PKHD1L1: variants seen among roughly 807,000 people sequenced by gnomAD.
PKHD1L1 encodes PKHD1 like 1.
In PKHD1L1, 434 loss-of-function variants were observed where a neutral mutation model predicts 462.9. The ratio of observed to expected loss-of-function variants is 0.94; its 90% CI spans 0.87 to 1.02. PKHD1L1 has a LOEUF of 1.02. Among genes scored for constraint, PKHD1L1 ranks in the 50% least tolerant of loss-of-function variants. The pLI, the probability that PKHD1L1 is intolerant of heterozygous loss-of-function variation, is 0.00. For missense variants in PKHD1L1, 5,202 were observed against 5,096.1 expected (o/e 1.02, Z -0.63); for synonymous variants, 1,781 against 1,750.0 (o/e 1.02, Z -0.44).
chr8:109,433,141 G>T lies in PKHD1L1; in HGVS notation c.3265G>T (p.Gly1089Cys). 1.9e-6 allele frequency: 3 copies of T among 1,613,432 alleles called. No homozygotes were observed. Among genetic ancestry groups the T allele is most frequent in the Middle Eastern group, 3.3e-4 (2 of 6,054 alleles). The change falls in exon 28 of 78, where the codon GGT becomes TGT. Residue 1089 changes from glycine to cysteine, a missense_variant. Physicochemically the swap from Gly to Cys is radical, Grantham distance 159. Transcript: ENST00000378402. Reference protein sequence around the residue: ...YEEGTILTIVGSGFSPSSAVT... With the variant: ...YEEGTILTIVCSGFSPSSAVT... ...AGAAGGCACAATTCTAACCATAGTG[G>T]GTTCTGGATTTTCTCCTAGTTCAGC...
intron 76 of PKHD1L1, among the ~76,000 whole-genome samples, chr8:109,525,048 A>G (rs1820748125): frequency 6.6e-6 from 1 of 152,210 alleles, no homozygotes; most frequent in African/African-American, 2.4e-5. Context: ...AAATTAGAAT[A>G]ACAACAAAGC....
At chr8:109,457,670 T>C (rs368360742) in intron 46 of PKHD1L1, among the ~76,000 whole-genome samples, 1 of 152,166 alleles carries the variant, frequency 6.6e-6, no homozygotes, top group East Asian at 1.9e-4. Context: ...TTAGTAAGGA[T>C]TACATTAGTT....
intron 22 of PKHD1L1, 76 bp downstream of exon 22, chr8:109,419,336 G>T: frequency 8.6e-7 from 1 of 1,159,314 alleles, no homozygotes. Flanking sequence ...TTTATATTCT[G>T]CAGTATGGAT....
In PKHD1L1 at chr8:109,404,713, G is replaced by A. The variant is rs1410383730; in HGVS notation, c.1533G>A (p.Gln511=). 8 of 1,592,706 alleles carry A rather than the reference G, an allele frequency of 5.0e-6. No individual in the cohort carries two copies. The highest frequency in any genetic ancestry group is 6.8e-6 in the Non-Finnish European group (8 of 1,170,926). ...KSQSTILQEV[Q]VITLENWETT... is the part of the protein sequence containing the mutation. ...AGTCGACAATCCTCCAGGAAGTACA[G>A]GTTTGCTATGATTGCAGTTCCTCTT... Residue 511 remains glutamine (Q), a splice_region_variant and synonymous_variant, in exon 15 of 78, where the codon CAG becomes CAA. Coordinates refer to ENST00000378402, the MANE Select transcript of PKHD1L1 (RefSeq NM_177531.6).
At chr8:109,520,037 A>T (rs541530194) in intron 73 of PKHD1L1, among the ~76,000 whole-genome samples, 1 of 152,254 alleles carries the variant, frequency 6.6e-6, no homozygotes, top group South Asian at 2.1e-4. Context: ...GAATTCTATC[A>T]GCTAAGCAGG....
intron 68 of PKHD1L1, among the ~76,000 whole-genome samples, chr8:109,506,413 C>G (rs1360830326): frequency 6.6e-6 from 1 of 152,198 alleles, no homozygotes; most frequent in Non-Finnish European, 1.5e-5. Context: ...AAAAACTCTG[C>G]TGTGCGGTTC....
chr8:109,383,924 G>T, intron 4 of PKHD1L1, 146 bp from the exon 5 acceptor site: 2 of 667,098 alleles, frequency 3.0e-6, no homozygotes, highest in Non-Finnish European at 5.2e-6. Flanking sequence ...TAACTCTTAG[G>T]TTCATCTTAT....
In PKHD1L1 at chr8:109,454,811, C is replaced by T. The variant is rs1816728771; in HGVS notation, c.6833C>T (p.Ala2278Val). The change falls in exon 45 of 78, where the codon GCC becomes GTC. Residue 2278 changes from alanine (A) to valine (V), a missense_variant. Physicochemically the swap from Ala to Val is moderately conservative, Grantham distance 64 (BLOSUM62 0). Around this residue, in one of 3 missense-constraint regions of PKHD1L1, gnomAD observed 4,497 missense variants for 4,336.8 expected, o/e 1.04. Transcript: ENST00000378402. ...LRSPELPVYGAKTLAVREGIL... is the reference protein window; with the variant it reads ...LRSPELPVYGVKTLAVREGIL... ...TCTCCTGAGCTCCCTGTCTATGGTG[C>T]CAAAACACTGGCTGTGCGGGAGGGA... The T allele has an allele frequency of 6.2e-7, 1 of 1,613,636 alleles. No individual in the cohort carries two copies. Among genetic ancestry groups the T allele is most frequent in the Non-Finnish European group, 8.5e-7 (1 of 1,179,772 alleles).
At chr8:109,409,186 G>A (rs535766500) in intron 18 of PKHD1L1, among the ~76,000 whole-genome samples, 1 of 151,994 alleles carries the variant, frequency 6.6e-6, no homozygotes, top group Non-Finnish European at 1.5e-5. Flanking sequence ...ACTAATTTCT[G>A]CATAATCTGC....
At chr8:109,375,615 T>C (rs541862213) in intron 2 of PKHD1L1, among the ~76,000 whole-genome samples, 4 of 152,288 alleles carry the variant, frequency 2.6e-5, no homozygotes, top group South Asian at 4.1e-4. Context: ...CTCTGTTTTT[T>C]CCCCATCTTT....
At chr8:109,396,871 C>T (rs1246635437) in intron 11 of PKHD1L1, among the ~76,000 whole-genome samples, 1 of 152,174 alleles carries the variant, frequency 6.6e-6, no homozygotes, top group East Asian at 1.9e-4. Flanking sequence ...TACTTTCTAC[C>T]TTTTACAGAT....
rs375847594 is a variant in PKHD1L1, at chr8:109,452,195, A to G, written c.6422A>G (p.His2141Arg). The change falls in exon 42 of 78, where the codon CAC becomes CGC. Residue 2141 changes from histidine (H) to arginine (R), a missense_variant. Physicochemically the swap from His to Arg is conservative, Grantham distance 29. Coordinates refer to ENST00000378402, the MANE Select transcript of PKHD1L1 (RefSeq NM_177531.6). ...KCDVEYSNKT[H>R]IICMTDAHTL... is the part of the protein sequence containing the mutation. ...GATGTTGAGTATTCCAACAAGACAC[A>G]CATCATCTGCATGACAGATGCCCAT... The G allele has an allele frequency of 8.0e-5, 129 of 1,613,422 alleles. No homozygotes were observed. Among genetic ancestry groups the G allele is most frequent in the Non-Finnish European group, 1.1e-4 (126 of 1,179,686 alleles).
intron 2 of PKHD1L1, among the ~76,000 whole-genome samples, chr8:109,372,050 G>T (rs183397791): frequency 6.6e-6 from 1 of 152,254 alleles, no homozygotes; most frequent in Non-Finnish European, 1.5e-5. Context: ...GAAAGTCATT[G>T]GTAGCTTGAT....
chr8:109,511,361 C>A, intron 71 of PKHD1L1, among the ~76,000 whole-genome samples: 1 of 114,100 alleles, frequency 8.8e-6, no homozygotes, highest in Non-Finnish European at 1.7e-5. Flanking sequence ...CACCCCACAA[C>A]AGTCCCCAGA....
chr8:109,493,983 C>A (rs1323047353), intron 63 of PKHD1L1, among the ~76,000 whole-genome samples: 1 of 151,994 alleles, frequency 6.6e-6, no homozygotes, highest in Non-Finnish European at 1.5e-5. Context: ...ACTCCAACGA[C>A]AACTTGAGTT....
intron 73 of PKHD1L1, 149 bp from the exon 74 acceptor site, chr8:109,522,037 C>T: frequency 3.2e-6 from 2 of 634,506 alleles, no homozygotes; most frequent in South Asian, 3.2e-5. Flanking sequence ...ATTAATATGA[C>T]TGCTGTGTTT....
intron 19 of PKHD1L1, 54 bp from the exon 20 acceptor site, chr8:109,412,211 G>C: frequency 1.5e-5 from 24 of 1,591,256 alleles, no homozygotes; most frequent in Non-Finnish European, 2.1e-5. Flanking sequence ...ACACGTTGGG[G>C]GAAAACCAGA....
rs766490485 is a variant in PKHD1L1, at chr8:109,396,115, C to T, written c.900C>T (p.Phe300=). ...ISGRFFDQTD[F]PVRVLVGGEP... is the part of the protein sequence containing the mutation. ...GGCGTTTCTTTGATCAGACAGATTT[C>T]CCCGTCAGAGTTCTAGTTGGAGGTA... is the stretch of plus-strand genomic sequence containing the variant. The change falls in exon 11 of 78, where the codon TTC becomes TTT. Residue 300 remains phenylalanine, a synonymous_variant. Coordinates refer to ENST00000378402, the MANE Select transcript of PKHD1L1 (RefSeq NM_177531.6). 2 of 1,607,994 alleles carry T rather than the reference C, an allele frequency of 1.2e-6. No individual in the cohort carries two copies. Among genetic ancestry groups the T allele is most frequent in the Non-Finnish European group, 1.7e-6 (2 of 1,177,268 alleles).
rs539684370 is a variant in PKHD1L1, at chr8:109,534,244, C to T, written c.*4154C>T. On this transcript the variant is annotated 3_prime_UTR_variant, in exon 78 of 78. Transcript: ENST00000378402. Reference sequence around the variant, plus strand: ...CTGGGAGGCCAAGGCAGGCGGATCACGAGGTCAGGAGATCGAGACTATCCT... The same window carrying T: ...CTGGGAGGCCAAGGCAGGCGGATCATGAGGTCAGGAGATCGAGACTATCCT... Among the ~76,000 whole-genome samples, 1 of 152,326 alleles carries T rather than the reference C, an allele frequency of 6.6e-6. No homozygotes were observed. The highest frequency in any genetic ancestry group is 2.1e-4 in the South Asian group (1 of 4,834).
Sources: gnomAD v4.1 joint callset for allele counts (sites outside exome capture counted in the v4.1 genomes callset) on GRCh38, gnomAD v4.1.1 for gene constraint, gnomAD v4.1.1 regional missense constraint, MANE v1.5 for transcripts, NCBI Gene and HGNC (gene_info 2026-07-23, HGNC 2026-07-21) for gene names.